Variants in DTHD1 observed in about 807,000 individuals in gnomAD.
DTHD1 encodes the protein death domain containing 1.
In DTHD1, 59 loss-of-function variants were observed where a neutral mutation model predicts 74.8. That is an observed-to-expected ratio of 0.79 (90% CI 0.64 to 0.98). DTHD1 has a LOEUF of 0.98. Among genes scored for constraint, DTHD1 ranks in the 50% least tolerant of loss-of-function variants. The pLI, the probability that DTHD1 is intolerant of heterozygous loss-of-function variation, is 0.00. For synonymous variants in DTHD1, 365 were observed against 371.1 expected (o/e 0.98, Z 0.19); for missense variants, 1,051 against 1,065.4 (o/e 0.99, Z 0.19).
intron 8 of DTHD1, among the ~76,000 whole-genome samples, chr4:36,330,858 C>T (rs1468612509): frequency 6.6e-6 from 1 of 151,990 alleles, no homozygotes; most frequent in Non-Finnish European, 1.5e-5. Flanking sequence ...AATTTTTGTA[C>T]CAGATTACTT....
chr4:36,302,178 G>A (rs1312306872), intron 5 of DTHD1, among the ~76,000 whole-genome samples: 1 of 152,218 alleles, frequency 6.6e-6, no homozygotes, highest in Non-Finnish European at 1.5e-5. Flanking sequence ...AGTGGCACAT[G>A]TAGGTAAATA....
At chr4:36,328,680 T>C (rs1319163953) in intron 8 of DTHD1, among the ~76,000 whole-genome samples, 2 of 152,246 alleles carry the variant, frequency 1.3e-5, no homozygotes, top group African/African-American at 2.4e-5. Context: ...AATATCATTT[T>C]ATGTGTAAAG....
intron 3 of DTHD1, among the ~76,000 whole-genome samples, chr4:36,291,823 T>A (rs186961504): frequency 2.0e-4 from 30 of 152,314 alleles, no homozygotes; most frequent in Admixed American, 1.2e-3. Context: ...AGTGAAACTC[T>A]GTCTCAAAAC....
At chr4:36,317,675 T>C (rs1249778259) in intron 8 of DTHD1, among the ~76,000 whole-genome samples, 1 of 152,260 alleles carries the variant, frequency 6.6e-6, no homozygotes, top group Non-Finnish European at 1.5e-5. Context: ...AATGAATTTA[T>C]AATCCAGTGA....
At chr4:36,341,888 G>A (rs1473346343) in intron 9 of DTHD1, among the ~76,000 whole-genome samples, 3 of 152,180 alleles carry the variant, frequency 2.0e-5, no homozygotes, top group African/African-American at 4.8e-5. Flanking sequence ...GCAGCAAAGA[G>A]CATATTGAGC....
At chr4:36,299,858 A>G (rs1756655944) in intron 5 of DTHD1, among the ~76,000 whole-genome samples, 1 of 151,906 alleles carries the variant, frequency 6.6e-6, no homozygotes, top group African/African-American at 2.4e-5. Flanking sequence ...TTAAAGTTAT[A>G]TTTTCCCAGC....
At chr4:36,285,974 G>T (rs1179713614) in intron 2 of DTHD1, among the ~76,000 whole-genome samples, 1 of 152,134 alleles carries the variant, frequency 6.6e-6, no homozygotes, top group East Asian at 1.9e-4. Flanking sequence ...ATGTACTGAT[G>T]CTCTTTCAGG....
At chr4:36,293,835 G>T (rs756736754) in intron 4 of DTHD1, 130 bp downstream of exon 4, 4 of 706,102 alleles carry the variant, frequency 5.7e-6, no homozygotes, top group Non-Finnish European at 8.4e-6. Context: ...TAGTTGTAAC[G>T]GCCTAATATA....
chr4:36,286,713 C>T (rs544262772), intron 2 of DTHD1, among the ~76,000 whole-genome samples: 1 of 152,166 alleles, frequency 6.6e-6, no homozygotes, highest in Admixed American at 6.5e-5. Context: ...GCCTACTGCA[C>T]GCTTAGTCTA....
chr4:36,284,170 A>C lies in DTHD1; in HGVS notation c.466A>C (p.Ile156Leu), dbSNP rs752863583. 2.0e-6 allele frequency: 3 copies of C among 1,537,264 alleles called. No individual in the cohort carries two copies. The South Asian group carries it at 3.6e-5, about 18-fold the overall frequency. ...DIAARGELNV[I>L]ETATVSPTNG... ...TGCTGCAAGAGGGGAACTAAATGTC[A>C]TAGAAACAGCTACTGTTTCTCCCAC... The change falls in exon 2 of 10, where the codon ATA becomes CTA. Residue 156 changes from isoleucine to leucine, a missense_variant. Physicochemically the swap from Ile to Leu is conservative, Grantham distance 5 (BLOSUM62 2). Coordinates refer to ENST00000639862, the MANE Select transcript of DTHD1 (RefSeq NM_001170700.3).
At chr4:36,303,642 T>C (rs12646644) in intron 5 of DTHD1, among the ~76,000 whole-genome samples, 64,021 of 152,048 alleles carry the variant, frequency 0.42, 16,854 homozygotes, top group African/African-American at 0.75. Flanking sequence ...TGCATAAAAG[T>C]GCAGGGCCTG....
intron 5 of DTHD1, 56 bp downstream of exon 5, chr4:36,295,095 T>G: frequency 1.4e-6 from 2 of 1,411,650 alleles, no homozygotes; most frequent in Non-Finnish European, 1.9e-6. Context: ...GAAGCTTAGA[T>G]GATTAAAACT....
chr4:36,311,382 T>C (rs1757398315), intron 7 of DTHD1: 2 of 152,164 alleles, frequency 1.3e-5, no homozygotes, highest in South Asian at 4.1e-4. Flanking sequence ...TCCATCCTTT[T>C]ATCAGGGCCT....
intron 7 of DTHD1, among the ~76,000 whole-genome samples, 181 bp from the exon 8 acceptor site, chr4:36,316,061 G>A (rs1757700896): frequency 6.6e-6 from 1 of 152,058 alleles, no homozygotes; most frequent in South Asian, 2.1e-4. Context: ...TCAGCCTCCC[G>A]AGTAGCTGGG....
chr4:36,294,772 G>GA, intron 4 of DTHD1, 23 bp from the exon 5 acceptor site: 1 of 1,493,330 alleles, frequency 6.7e-7, no homozygotes, highest in Non-Finnish European at 8.9e-7. Flanking sequence ...TAAAACATAA[G>GA]AAAAAATATA....
At chr4:36,341,506 T>G (rs926818240) in intron 9 of DTHD1, among the ~76,000 whole-genome samples, 1 of 152,118 alleles carries the variant, frequency 6.6e-6, no homozygotes, top group Non-Finnish European at 1.5e-5. Context: ...GGGCTAAAGA[T>G]AGGAGAAAAG....
intron 2 of DTHD1, among the ~76,000 whole-genome samples, 184 bp from the exon 3 acceptor site, chr4:36,290,188 AC>A (rs1402373748): frequency 6.6e-6 from 1 of 152,156 alleles, no homozygotes; most frequent in African/African-American, 2.4e-5. Flanking sequence ...TTATGTTATC[AC>A]CATTTTACCA....
At chr4:36,314,849 G>C (rs868513428) in intron 7 of DTHD1, among the ~76,000 whole-genome samples, 1 of 136,134 alleles carries the variant, frequency 7.3e-6, no homozygotes, top group Non-Finnish European at 1.5e-5. Flanking sequence ...AGCACTTACT[G>C]TGTGCCAGGC....
intron 2 of DTHD1, 67 bp downstream of exon 2, chr4:36,284,658 C>A: frequency 1.6e-6 from 2 of 1,217,506 alleles, no homozygotes; most frequent in Non-Finnish European, 2.2e-6. Context: ...ATAGTTAGTA[C>A]ATGTCTTAGT....
Sources: gnomAD v4.1 joint callset for allele counts (sites outside exome capture counted in the v4.1 genomes callset) on GRCh38, gnomAD v4.1.1 for gene constraint, MANE v1.5 for transcripts, NCBI Gene and HGNC (gene_info 2026-07-23, HGNC 2026-07-21) for gene names.